C9orf72: variants seen among roughly 807,000 people sequenced by gnomAD.
The protein encoded by C9orf72 is guanine nucleotide exchange factor C9orf72.
In C9orf72, 44 loss-of-function variants were observed where a neutral mutation model predicts 51.6. The ratio of observed to expected loss-of-function variants is 0.85; its 90% CI spans 0.67 to 1.10. The LOEUF (loss-of-function observed/expected upper bound fraction) is 1.10. Among genes scored for constraint, C9orf72 ranks in the 50% least tolerant of loss-of-function variants. The pLI is 0.00. For synonymous variants in C9orf72, 213 were observed against 194.2 expected, an observed-to-expected ratio of 1.10 and a Z score of -0.81; for missense variants, 607 against 570.6, an observed-to-expected ratio of 1.06 and a Z score of -0.65.
intron 8 of C9orf72, chr9:27,554,584 G>T (rs1452425338): frequency 1.8e-5 from 7 of 397,896 alleles, no homozygotes; most frequent in Non-Finnish European, 3.1e-5. Context: ...CTCATGACAC[G>T]CAATTTACCT....
intron 7 of C9orf72, among the ~76,000 whole-genome samples, chr9:27,557,768 A>C (rs1819239993): frequency 6.6e-6 from 1 of 152,060 alleles, no homozygotes; most frequent in South Asian, 2.1e-4. Context: ...CACATTATTG[A>C]AAATGCACAA....
chr9:27,558,569 C>G lies in C9orf72; in HGVS notation c.777G>C (p.Glu259Asp), dbSNP rs753228403. ...CTTCACATAACCTGGAGCATTTTCT[C>G]TCTGCTGGAGTCAGAAAAAGGCATA... ...RTLCLFLTPA[E>D]RKCSRLCEAE... is the part of the protein sequence containing the mutation. The change falls in exon 7 of 11, where the codon GAG becomes GAC. Residue 259 changes from glutamate to aspartate, a missense_variant. Glu to Asp is a conservative substitution (Grantham distance 45). Transcript: ENST00000380003. The G allele has an allele frequency of 6.2e-7, 1 of 1,608,286 alleles. No individual in the cohort carries two copies. Among genetic ancestry groups the G allele is most frequent in the Non-Finnish European group, 8.5e-7 (1 of 1,177,364 alleles).
intron 3 of C9orf72, among the ~76,000 whole-genome samples, chr9:27,565,101 G>C (rs1362561980): frequency 6.6e-6 from 1 of 152,054 alleles, no homozygotes; most frequent in African/African-American, 2.4e-5. Context: ...TACAACATAA[G>C]ACTTAGAAGA....
intron 5 of C9orf72, chr9:27,560,822 T>C (rs918221652): frequency 1.1e-6 from 1 of 926,234 alleles, no homozygotes; most frequent in Non-Finnish European, 1.3e-6. Flanking sequence ...AAAGTAAAAT[T>C]TCATGAAAAT....
intron 7 of C9orf72, among the ~76,000 whole-genome samples, chr9:27,558,278 G>C (rs1819255916): frequency 6.6e-6 from 1 of 150,472 alleles, no homozygotes; most frequent in Admixed American, 6.6e-5. Flanking sequence ...GGACCCACCT[G>C]GAACACAAAG....
Position 27,548,228 on chromosome 9 carries a change from T to C in C9orf72, c.*8A>G. ...ATTGTGATGGAATAGGCTTATTAAG[T>C]TACACATTTAAAAAGTCATTAGAAC... is the stretch of plus-strand genomic sequence containing the variant. On this transcript the variant is annotated 3_prime_UTR_variant, in exon 11 of 11. Transcript: ENST00000380003. 6.3e-7 allele frequency: 1 copy of C among 1,598,456 alleles called. No individual in the cohort carries two copies. The highest frequency in any genetic ancestry group is 8.5e-7 in the Non-Finnish European group (1 of 1,170,136).
intron 1 of C9orf72, among the ~76,000 whole-genome samples, chr9:27,572,711 G>A (rs571488463): frequency 6.6e-6 from 1 of 152,280 alleles, no homozygotes; most frequent in South Asian, 2.1e-4. Context: ...CGGCCAGATA[G>A]ACCCAATGAG....
intron 1 of C9orf72, among the ~76,000 whole-genome samples, chr9:27,568,296 G>A (rs925246706): frequency 1.3e-5 from 2 of 152,066 alleles, no homozygotes; most frequent in Non-Finnish European, 2.9e-5. Context: ...TTTCATCACT[G>A]CAAAGAGAGT....
At chr9:27,572,498 G>A (rs1225429069) in intron 1 of C9orf72, among the ~76,000 whole-genome samples, 1 of 150,986 alleles carries the variant, frequency 6.6e-6, no homozygotes, top group African/African-American at 2.4e-5. Context: ...AAAAGTAGAA[G>A]TAATGCCAGA....
intron 8 of C9orf72, among the ~76,000 whole-genome samples, chr9:27,554,966 G>A (rs1820980151): frequency 6.6e-6 from 1 of 152,024 alleles, no homozygotes; most frequent in African/African-American, 2.4e-5. Context: ...AAATGATTAA[G>A]AAATGTTAAA....
intron 8 of C9orf72, among the ~76,000 whole-genome samples, chr9:27,552,440 C>G (rs1269917603): frequency 6.6e-6 from 1 of 151,896 alleles, no homozygotes; most frequent in Non-Finnish European, 1.5e-5. Flanking sequence ...CCTCTGCCTC[C>G]CGGGCTCAAA....
At chr9:27,572,043 C>T (rs1819597677) in intron 1 of C9orf72, among the ~76,000 whole-genome samples, 1 of 152,150 alleles carries the variant, frequency 6.6e-6, no homozygotes, top group Non-Finnish European at 1.5e-5. Context: ...AGAATAGAAC[C>T]CGAGGGCAGA....
At chr9:27,571,613 G>A (rs1819587859) in intron 1 of C9orf72, among the ~76,000 whole-genome samples, 2 of 152,002 alleles carry the variant, frequency 1.3e-5, no homozygotes, top group African/African-American at 2.4e-5. Context: ...ACATCACCAC[G>A]CCCGGCTAAG....
chr9:27,571,991 G>A (rs144974076), intron 1 of C9orf72, among the ~76,000 whole-genome samples: 4 of 152,274 alleles, frequency 2.6e-5, no homozygotes, highest in Middle Eastern at 6.8e-3. Context: ...TCAGACAATA[G>A]GTAGGCTAAC....
At chr9:27,561,218 T>A in intron 5 of C9orf72, 1 of 1,043,096 alleles carries the variant, frequency 9.6e-7, no homozygotes, top group Non-Finnish European at 1.2e-6. Flanking sequence ...AAAAGATCAG[T>A]ATAAATATGA....
At chr9:27,561,502 TTTTC>T (rs951251078) in intron 5 of C9orf72, 79 bp downstream of exon 5, 38 of 1,573,778 alleles carry the variant, frequency 2.4e-5, no homozygotes, top group Non-Finnish European at 3.2e-5. Flanking sequence ...CAGTCTGTTA[TTTTC>T]TTTCTTCCAA....
Position 27,558,564 on chromosome 9 carries a change from T to G in C9orf72, c.782A>C (p.Lys261Thr). ...LCLFLTPAERKCSRLCEAESS... is the reference protein window; with the variant it reads ...LCLFLTPAERTCSRLCEAESS... ...TTCTGCTTCACATAACCTGGAGCAT[T>G]TTCTCTCTGCTGGAGTCAGAAAAAG... Residue 261 changes from lysine (K) to threonine (T), a missense_variant, in exon 7 of 11, where the codon AAA (lysine) becomes ACA (threonine). By Grantham distance (78) the Lys-to-Thr change is moderately conservative (BLOSUM62 -1). Coordinates refer to ENST00000380003, the MANE Select transcript of C9orf72 (RefSeq NM_018325.5). 1.2e-6 allele frequency: 2 copies of G among 1,609,094 alleles called. No individual in the cohort carries two copies. Among genetic ancestry groups the G allele is most frequent in the South Asian group, 2.2e-5 (2 of 90,702 alleles).
chr9:27,561,326 C>G, intron 5 of C9orf72: 3 of 1,226,032 alleles, frequency 2.4e-6, no homozygotes, highest in Non-Finnish European at 3.1e-6. Flanking sequence ...AACAAGAAAC[C>G]AGAATCAAGC....
chr9:27,552,351 T>A (rs1021738326), intron 8 of C9orf72, among the ~76,000 whole-genome samples: 1 of 66,422 alleles, frequency 1.5e-5, no homozygotes, highest in Non-Finnish European at 3.5e-5. Context: ...GGATTGTTTG[T>A]GATTTTTCTT....
Sources: gnomAD v4.1 joint callset for allele counts (sites outside exome capture counted in the v4.1 genomes callset) on GRCh38, gnomAD v4.1.1 for gene constraint, MANE v1.5 for transcripts, NCBI Gene and HGNC (gene_info 2026-07-23, HGNC 2026-07-21) for gene names.